Variants in MYLK observed in about 807,000 individuals in gnomAD.
MYLK encodes myosin light chain kinase, smooth muscle.
In MYLK, 106 loss-of-function variants were observed where a neutral mutation model predicts 203.4. The ratio of observed to expected loss-of-function variants is 0.52; its 90% CI spans 0.45 to 0.61. MYLK has a LOEUF of 0.61. Among genes scored for constraint, MYLK ranks in the 20% least tolerant of loss-of-function variants. The pLI is 0.00. For synonymous variants in MYLK, 867 were observed against 959.5 expected, an observed-to-expected ratio of 0.90 and a Z score of 1.78; for missense variants, 2,072 against 2,442.3, an observed-to-expected ratio of 0.85 and a Z score of 3.20.
At chr3:123,740,102 T>G in intron 5 of MYLK, 101 bp from the exon 6 acceptor site, 1 of 1,150,414 alleles carries the variant, frequency 8.7e-7, no homozygotes, top group South Asian at 1.2e-5. Context: ...GTGATGGTGA[T>G]CATTAATCTT....
rs2059090108 is a variant in MYLK at position 123,648,235 on chromosome 3, TGGCTCAGGGTTGG to T, written c.4415+723_4415+735del. On this transcript the variant is annotated intron_variant, in intron 26 of 33. Coordinates refer to ENST00000360304, the MANE Select transcript of MYLK (RefSeq NM_053025.4). The surrounding 1 kb of genome is among the most constrained non-coding windows in gnomAD (Gnocchi z 4.5). Reference sequence around the variant, plus strand: ...ACAGCGTAAGGGCAGATGAACAGCTTGGCTCAGGGTTGGGGTCTGAGCCCACTCTATCCTCCAT... The same window carrying T: ...ACAGCGTAAGGGCAGATGAACAGCTTGGTCTGAGCCCACTCTATCCTCCAT... 6.6e-6 allele frequency among the ~76,000 whole-genome samples: 1 copy of T among 152,228 alleles called. No individual in the cohort carries two copies. Among genetic ancestry groups the T allele is most frequent in the South Asian group, 2.1e-4 (1 of 4,828 alleles).
chr3:123,804,062 T>G (rs1183374144), intron 3 of MYLK, among the ~76,000 whole-genome samples: 1 of 152,220 alleles, frequency 6.6e-6, no homozygotes, highest in African/African-American at 2.4e-5. Flanking sequence ...TTTAATCCCT[T>G]AGCAGAATGG....
At chr3:123,779,348 C>A (rs755170290) in intron 4 of MYLK, among the ~76,000 whole-genome samples, 15 of 152,248 alleles carry the variant, frequency 9.9e-5, no homozygotes, top group African/African-American at 1.9e-4. Flanking sequence ...CTCCCCTCAG[C>A]CTAATGCCTT....
intron 3 of MYLK, among the ~76,000 whole-genome samples, chr3:123,825,120 G>C (rs749338461): frequency 2.0e-5 from 3 of 150,326 alleles, no homozygotes; most frequent in African/African-American, 4.9e-5. Context: ...ACTCCAACCT[G>C]GGCAACAGAG....
At chr3:123,653,830 A>T (rs979880392) in intron 24 of MYLK, among the ~76,000 whole-genome samples, 11 of 152,086 alleles carry the variant, frequency 7.2e-5, no homozygotes, top group African/African-American at 2.7e-4. Context: ...GACCTGGATG[A>T]TTTCCTTTCC....
intron 19 of MYLK, 70 bp downstream of exon 19, chr3:123,692,665 G>T: frequency 1.6e-6 from 2 of 1,219,552 alleles, no homozygotes; most frequent in Non-Finnish European, 2.4e-6. Flanking sequence ...GCAAGGTATG[G>T]TAAGGAAGGG....
intron 13 of MYLK, among the ~76,000 whole-genome samples, chr3:123,713,891 A>T (rs1211130710): frequency 1.3e-5 from 2 of 152,176 alleles, no homozygotes; most frequent in Non-Finnish European, 2.9e-5. Context: ...GCATGGTAAT[A>T]TTGCAGGGTT....
intron 2 of MYLK, among the ~76,000 whole-genome samples, chr3:123,847,940 T>C (rs2030230559): frequency 6.6e-6 from 1 of 152,118 alleles, no homozygotes; most frequent in Admixed American, 6.6e-5. Context: ...TCTTAGACAG[T>C]TTGCACAATA....
intron 31 of MYLK, among the ~76,000 whole-genome samples, chr3:123,625,574 C>T (rs929255711): frequency 3.3e-5 from 5 of 151,720 alleles, no homozygotes; most frequent in African/African-American, 9.7e-5. Context: ...TTTGGGAGGC[C>T]GAGGCGGGTG....
chr3:123,753,905 A>G (rs2063285017), intron 4 of MYLK, among the ~76,000 whole-genome samples: 1 of 152,224 alleles, frequency 6.6e-6, no homozygotes, highest in Non-Finnish European at 1.5e-5. Flanking sequence ...GGATGAAGCA[A>G]AATCAAAATT....
chr3:123,770,707 T>A (rs926598099), intron 4 of MYLK, among the ~76,000 whole-genome samples: 1 of 152,220 alleles, frequency 6.6e-6, no homozygotes, highest in African/African-American at 2.4e-5. Context: ...AGTTGGTCTA[T>A]TTAGCCTGGA....
At chr3:123,799,402 T>C (rs2065113144) in intron 3 of MYLK, among the ~76,000 whole-genome samples, 1 of 152,042 alleles carries the variant, frequency 6.6e-6, no homozygotes. Context: ...AGAAAAAAAG[T>C]TTAAAAAATC....
At chr3:123,720,377 A>T (rs1271846494) in intron 13 of MYLK, among the ~76,000 whole-genome samples, 1 of 152,138 alleles carries the variant, frequency 6.6e-6, no homozygotes, top group Admixed American at 6.5e-5. Flanking sequence ...CAGGACAGAC[A>T]TTGGATTAGT....
At chr3:123,835,410 G>C (rs1305923210) in intron 2 of MYLK, among the ~76,000 whole-genome samples, 1 of 152,190 alleles carries the variant, frequency 6.6e-6, no homozygotes, top group Admixed American at 6.5e-5. Context: ...GAATATGTCT[G>C]TGGCAGGCAA....
chr3:123,746,914 A>T (rs2108852551), intron 5 of MYLK, among the ~76,000 whole-genome samples: 1 of 152,364 alleles, frequency 6.6e-6, no homozygotes, highest in Middle Eastern at 3.4e-3. Context: ...TAGGTCCTTC[A>T]GATGGGTAGA....
rs1479187660 is a variant in MYLK, at chr3:123,700,092, G to C, written c.3376C>G (p.Pro1126Ala). The change falls in exon 18 of 34, where the codon CCA becomes GCA. Residue 1126 changes from proline to alanine, a missense_variant. Physicochemically the swap from Pro to Ala is conservative, Grantham distance 27. Transcript: ENST00000360304. ...TTCAGCGTCCAGATGATGGTGGCTG[G>C]GGGGTCAGAAGACACCTGGCACTGG... is the stretch of plus-strand genomic sequence containing the variant. The part of the protein sequence containing the change: ...LLQCQVSSDP[P>A]ATIIWTLNGK... 6.2e-7 allele frequency: 1 copy of C among 1,613,922 alleles called. No homozygotes were observed.
intron 19 of MYLK, among the ~76,000 whole-genome samples, chr3:123,686,462 G>T (rs1043638305): frequency 6.6e-6 from 1 of 152,008 alleles, no homozygotes; most frequent in East Asian, 1.9e-4. Flanking sequence ...TCTGGGAGGG[G>T]TCCAGCTTCT....
Position 123,816,017 on chromosome 3 carries a change from T to A in MYLK, c.-4+15531A>T, listed in dbSNP as rs554916748. On this transcript the variant is annotated intron_variant, in intron 3 of 33. Coordinates refer to ENST00000360304, the MANE Select transcript of MYLK (RefSeq NM_053025.4). ...CTTGTCTCCCCAGCTGCAATGCCTA[T>A]GAGCAGGACCTGGGTTTGTACATCT... is the stretch of plus-strand genomic sequence containing the variant. 2.0e-5 allele frequency among the ~76,000 whole-genome samples: 3 copies of A among 152,340 alleles called. No homozygotes were observed. The South Asian group carries it at 6.2e-4, about 32-fold the overall frequency.
intron 11 of MYLK, among the ~76,000 whole-genome samples, chr3:123,732,121 G>C (rs1446465057): frequency 2.0e-5 from 3 of 152,114 alleles, no homozygotes; most frequent in Non-Finnish European, 4.4e-5. Context: ...CATTTCTCAA[G>C]GGTATGGCAT....
Sources: allele counts gnomAD v4.1 joint callset (sites outside exome capture counted in the v4.1 genomes callset), GRCh38; gene constraint gnomAD v4.1.1; non-coding constraint Gnocchi (gnomAD v3.1); transcripts MANE v1.5; gene names NCBI Gene and HGNC (gene_info 2026-07-23, HGNC 2026-07-21).